The following SVIL variants were observed in gnomAD, a reference collection of about 807,000 sequenced individuals.
The protein encoded by SVIL is archvillin.
Under a neutral mutation model 240.4 loss-of-function variants are expected in SVIL, and 101 were observed. The observed-to-expected ratio is 0.42, with a 90% confidence interval of 0.36 to 0.50. The LOEUF is 0.50. SVIL is among the 20% of genes least tolerant of loss of function. The pLI, the probability that SVIL is intolerant of heterozygous loss-of-function variation, is 0.01. For synonymous variants in SVIL, 999 were observed against 1,100.0 expected (o/e 0.91, Z 1.82); for missense variants, 2,512 against 2,818.7 (o/e 0.89, Z 2.46).
intron 1 of SVIL, among the ~76,000 whole-genome samples, chr10:29,719,673 C>A (rs145785917): frequency 6.6e-6 from 1 of 152,036 alleles, no homozygotes; most frequent in South Asian, 2.1e-4. Flanking sequence ...CTACAATGTG[C>A]GAGATGAACA....
chr10:29,630,768 A>G (rs1364204227), intron 1 of SVIL, among the ~76,000 whole-genome samples: 1 of 152,154 alleles, frequency 6.6e-6, no homozygotes, highest in African/African-American at 2.4e-5. Context: ...AGGAGAACTT[A>G]TAACACAGAA....
intron 7 of SVIL, 41 bp downstream of exon 7, chr10:29,535,948 C>T (rs1243065958): frequency 1.2e-6 from 2 of 1,600,628 alleles, no homozygotes; most frequent in Non-Finnish European, 1.7e-6. Context: ...GAGGAAGCAA[C>T]ACTCATGCAC....
chr10:29,492,985 G>A lies in SVIL; in HGVS notation c.4019+229C>T, dbSNP rs150117218. Among the ~76,000 whole-genome samples the A allele has an allele frequency of 2.3e-3, 348 of 152,194 alleles. 7 individuals carry two copies. In the South Asian group the frequency reaches 0.043, roughly 19 times the overall value. On this transcript the variant is annotated intron_variant, in intron 21 of 37. Coordinates refer to ENST00000355867, the MANE Select transcript of SVIL (RefSeq NM_021738.3). ...CAGGACAAGCATCTGTGGCCCACGC[G>A]GTCTGCCTGCATGCACATCTGGTCT...
At chr10:29,703,541 G>A (rs890841726) in intron 1 of SVIL, among the ~76,000 whole-genome samples, 4 of 152,216 alleles carry the variant, frequency 2.6e-5, no homozygotes, top group East Asian at 1.9e-4. Context: ...CCAGATGCAC[G>A]CCAGCAGCCC....
chr10:29,603,151 C>A (rs1956880113), intron 1 of SVIL, among the ~76,000 whole-genome samples: 1 of 152,224 alleles, frequency 6.6e-6, no homozygotes, highest in East Asian at 1.9e-4. Flanking sequence ...AAGTGCAGAA[C>A]AGGACAAGGC....
At chr10:29,648,669 A>G (rs775242125) in intron 3 of SVIL, among the ~76,000 whole-genome samples, 10 of 152,184 alleles carry the variant, frequency 6.6e-5, no homozygotes, top group Non-Finnish European at 1.2e-4. Flanking sequence ...GCCCTTTAGC[A>G]CGGCCCTGTG....
chr10:29,572,775 A>AAAG (rs1431116379), intron 1 of SVIL, among the ~76,000 whole-genome samples: 5 of 151,200 alleles, frequency 3.3e-5, no homozygotes, highest in Admixed American at 2.0e-4. Context: ...AAAAAAAAAA[A>AAAG]AAAAAAGAAA....
At chr10:29,523,248 T>C (rs1037916636) in intron 15 of SVIL, among the ~76,000 whole-genome samples, 3 of 152,188 alleles carry the variant, frequency 2.0e-5, no homozygotes, top group Non-Finnish European at 4.4e-5. Context: ...GTGTGAAAGC[T>C]CTTCCAGTAG....
At chr10:29,468,573 T>C (rs1945189058) in intron 32 of SVIL, among the ~76,000 whole-genome samples, 1 of 151,846 alleles carries the variant, frequency 6.6e-6, no homozygotes, top group African/African-American at 2.4e-5. Context: ...ATACTTGTTA[T>C]TGTCTGCTTT....
chr10:29,561,290 TAA>T (rs1954447404), intron 3 of SVIL, among the ~76,000 whole-genome samples: 1 of 152,248 alleles, frequency 6.6e-6, no homozygotes, highest in South Asian at 2.1e-4. Context: ...TTAGGTGTTC[TAA>T]AAGTTTATTA....
intron 1 of SVIL, among the ~76,000 whole-genome samples, chr10:29,606,436 T>C (rs1332292040): frequency 6.6e-6 from 1 of 152,236 alleles, no homozygotes; most frequent in East Asian, 1.9e-4. Context: ...ATTCAACTGC[T>C]ATCAAGGTTT....
intron 29 of SVIL, among the ~76,000 whole-genome samples, chr10:29,475,676 G>C (rs1282632492): frequency 1.3e-5 from 2 of 152,166 alleles, no homozygotes; most frequent in Non-Finnish European, 2.9e-5. Context: ...CTTCTAGGCT[G>C]AGTGAGGCCA....
At position 29,587,324 on chromosome 10, in the gene SVIL, T is replaced by A. The variant is rs755259025; in HGVS notation, c.-200-18012A>T. Among the ~76,000 whole-genome samples the A allele has an allele frequency of 5.5e-4, 83 of 152,210 alleles. 1 individual carries two copies. The highest frequency in any genetic ancestry group is 3.8e-3 in the Admixed American group (58 of 15,276). The stretch of plus-strand genomic sequence containing the variant: ...GGCTTCGTACAGGACACAAGCTCAC[T>A]GCCACCGCCTCTGCCAGCCAGTCCC... On this transcript the variant is annotated intron_variant, in intron 1 of 37. Transcript: ENST00000355867.
chr10:29,576,163 C>A (rs973508438), intron 1 of SVIL: 79 of 978,914 alleles, frequency 8.1e-5, no homozygotes, highest in Middle Eastern at 1.1e-3. Flanking sequence ...GTGAACGATG[C>A]CAATGGTAAA....
chr10:29,616,151 C>T (rs889767584), intron 1 of SVIL, among the ~76,000 whole-genome samples: 7 of 152,198 alleles, frequency 4.6e-5, no homozygotes, highest in Non-Finnish European at 1.0e-4. Flanking sequence ...GATTCTCGTG[C>T]CTCAGCATCC....
chr10:29,573,474 T>C (rs1478272647), intron 1 of SVIL, among the ~76,000 whole-genome samples: 1 of 152,166 alleles, frequency 6.6e-6, no homozygotes, highest in Non-Finnish European at 1.5e-5. Context: ...AAATCTCTAT[T>C]TTATGTTCAT....
intron 1 of SVIL, among the ~76,000 whole-genome samples, chr10:29,612,427 G>A (rs1957280633): frequency 1.3e-5 from 2 of 152,298 alleles, no homozygotes; most frequent in South Asian, 4.1e-4. Context: ...GATGGAGTTG[G>A]AAGTGAGGCT....
At chr10:29,529,177 A>C (rs1461050298) in intron 12 of SVIL, among the ~76,000 whole-genome samples, 2 of 51,476 alleles carry the variant, frequency 3.9e-5, no homozygotes, top group Admixed American at 2.0e-4. Flanking sequence ...CTCTCTCTCA[A>C]AAAAAAAAAA....
chr10:29,487,248 T>C lies in SVIL; in HGVS notation c.4400A>G (p.Asn1467Ser), dbSNP rs760387483. The C allele has an allele frequency of 2.5e-5, 41 of 1,614,050 alleles. 1 individual carries two copies. In the South Asian group the frequency reaches 4.2e-4, roughly 16 times the overall value. Residue 1467 changes from asparagine to serine, a missense_variant, in exon 24 of 38, where the codon AAC becomes AGC. Physicochemically the swap from Asn to Ser is conservative, Grantham distance 46. Around this residue, in one of 3 missense-constraint regions of SVIL, gnomAD observed 272 missense variants for 406.8 expected, o/e 0.67. Transcript: ENST00000355867. The part of the protein sequence containing the change: ...RLVEPRASAL[N>S]SGDCFLLLSP... The stretch of plus-strand genomic sequence containing the variant: ...GAGCAGGAGGAAGCAGTCCCCACTG[T>C]TGAGCGCCGAAGCTCGAGGTTCCAC...
Sources: gnomAD v4.1 joint callset for allele counts (sites outside exome capture counted in the v4.1 genomes callset) on GRCh38, gnomAD v4.1.1 for gene constraint, gnomAD v4.1.1 regional missense constraint, MANE v1.5 for transcripts, NCBI Gene and HGNC (gene_info 2026-07-23, HGNC 2026-07-21) for gene names.